Variants in PARVB observed in about 807,000 individuals in gnomAD.
PARVB encodes parvin beta, also known as beta-parvin.
In PARVB, 46 loss-of-function variants were observed where a neutral mutation model predicts 47.0. The observed-to-expected ratio is 0.98, with a 90% CI of 0.77 to 1.25. The LOEUF (loss-of-function observed/expected upper bound fraction) is 1.25, where lower values mean the gene tolerates loss of function less well. Among genes scored for constraint, PARVB ranks in the 50% most tolerant of loss-of-function variants. The pLI, the probability that PARVB is intolerant of heterozygous loss-of-function variation, is 0.00. For synonymous variants in PARVB, 196 were observed against 196.3 expected (o/e 1.00, Z 0.01); for missense variants, 473 against 471.6 (o/e 1.00, Z -0.03).
intron 10 of PARVB, among the ~76,000 whole-genome samples, chr22:44,156,817 A>T (rs888220734): frequency 1.3e-5 from 2 of 152,222 alleles, no homozygotes; most frequent in Non-Finnish European, 2.9e-5. Context: ...AGATACCCAG[A>T]GGAGTCAAAT....
intron 1 of PARVB, among the ~76,000 whole-genome samples, chr22:44,026,606 C>A (rs1603424525): frequency 6.6e-6 from 1 of 152,350 alleles, no homozygotes. Flanking sequence ...GCCTTGGCAA[C>A]ATGCGCTTCT....
intron 1 of PARVB, among the ~76,000 whole-genome samples, chr22:44,038,643 G>A (rs192661496): frequency 3.9e-5 from 6 of 152,208 alleles, no homozygotes; most frequent in Middle Eastern, 3.4e-3. Context: ...TTAGCTGGGC[G>A]TGATGGTGTA....
intron 2 of PARVB, among the ~76,000 whole-genome samples, chr22:44,001,532 A>G (rs920911783): frequency 6.6e-6 from 1 of 152,220 alleles, no homozygotes; most frequent in African/African-American, 2.4e-5. Context: ...GATCTTGTGC[A>G]GTTTGTTGAA....
At chr22:44,059,794 G>A (rs1254319586) in intron 1 of PARVB, among the ~76,000 whole-genome samples, 1 of 152,138 alleles carries the variant, frequency 6.6e-6, no homozygotes. Context: ...CAGAAGATGT[G>A]TTATTAAACA....
chr22:44,090,761 C>T (rs1446982557), intron 1 of PARVB, among the ~76,000 whole-genome samples: 1 of 152,236 alleles, frequency 6.6e-6, no homozygotes, highest in Non-Finnish European at 1.5e-5. Context: ...GTGAGCACTG[C>T]AGGCAGCTGT....
chr22:44,048,677 T>C (rs2051156673), intron 1 of PARVB, among the ~76,000 whole-genome samples: 1 of 152,234 alleles, frequency 6.6e-6, no homozygotes, highest in Admixed American at 6.5e-5. Flanking sequence ...TTCTCCTGCC[T>C]CAGCCTCCCA....
At chr22:44,036,662 TA>T (rs1270234554) in intron 1 of PARVB, among the ~76,000 whole-genome samples, 7 of 152,182 alleles carry the variant, frequency 4.6e-5, no homozygotes, top group Non-Finnish European at 8.8e-5. Context: ...AATGAGTTTA[TA>T]CTTGATATAT....
intron 1 of PARVB, among the ~76,000 whole-genome samples, chr22:44,060,446 C>T (rs556018197): frequency 6.6e-6 from 1 of 152,176 alleles, no homozygotes; most frequent in East Asian, 1.9e-4. Flanking sequence ...GAGATTGAGC[C>T]AGAAGAACTT....
At chr22:44,056,858 G>T (rs2051321050) in intron 1 of PARVB, among the ~76,000 whole-genome samples, 1 of 151,108 alleles carries the variant, frequency 6.6e-6, no homozygotes, top group African/African-American at 2.4e-5. Flanking sequence ...GGTGGTGAGG[G>T]TGACTGTATA....
chr22:44,056,536 C>A (rs943209418), intron 1 of PARVB, among the ~76,000 whole-genome samples: 3 of 152,128 alleles, frequency 2.0e-5, no homozygotes, highest in Non-Finnish European at 2.9e-5. Flanking sequence ...GACAGGTTCT[C>A]CCTCTGTCAC....
chr22:44,032,008 C>T (rs1036985446), intron 1 of PARVB, among the ~76,000 whole-genome samples: 2 of 152,138 alleles, frequency 1.3e-5, no homozygotes, highest in African/African-American at 4.8e-5. Context: ...AATATGTCTG[C>T]TATTTGTTAC....
chr22:44,078,499 C>T (rs1186868220), intron 1 of PARVB, among the ~76,000 whole-genome samples: 1 of 152,156 alleles, frequency 6.6e-6, no homozygotes, highest in Non-Finnish European at 1.5e-5. Context: ...TAGTAAAAGG[C>T]TCTGGTCCTC....
Position 44,089,952 on chromosome 22 carries a change from G to A in PARVB, c.113-3976G>A, listed in dbSNP as rs1904653091. Among the ~76,000 whole-genome samples the A allele has an allele frequency of 6.6e-6, 1 of 152,174 alleles. No individual in the cohort carries two copies. Among genetic ancestry groups the A allele is most frequent in the Non-Finnish European group, 1.5e-5 (1 of 68,022 alleles). ...CCCTCCATGCTTCTCTGTGGAATAGGGGACCTCGCCTGCCTTGTGGTCACT... is the reference window on the plus strand; with the variant it reads ...CCCTCCATGCTTCTCTGTGGAATAGAGGACCTCGCCTGCCTTGTGGTCACT... On this transcript the variant is annotated intron_variant, in intron 1 of 12. Coordinates refer to ENST00000338758, the MANE Select transcript of PARVB (RefSeq NM_013327.5). This position sits in a 1 kb window ranked among gnomAD's most constrained non-coding sequence, Gnocchi z 4.0.
chr22:44,136,399 C>A, intron 6 of PARVB, 61 bp from the exon 7 acceptor site: 2 of 1,444,860 alleles, frequency 1.4e-6, no homozygotes, highest in South Asian at 1.1e-5. Context: ...TCTGCCCTGT[C>A]AGTGCATCTT....
At chr22:44,055,316 A>G (rs1447463613) in intron 1 of PARVB, among the ~76,000 whole-genome samples, 1 of 150,806 alleles carries the variant, frequency 6.6e-6, no homozygotes, top group Non-Finnish European at 1.5e-5. Flanking sequence ...GAGAAACAGA[A>G]CCAATGGGAG....
chr22:43,999,639 A>G, exon 2 of PARVB: 6 of 1,613,838 alleles, frequency 3.7e-6, no homozygotes, highest in Non-Finnish European at 5.1e-6. Context: ...CAGACAGATC[A>G]GGAGTGGAAA....
At chr22:44,020,051 C>T (rs556986751), upstream of PARVB, among the ~76,000 whole-genome samples, 20 of 152,298 alleles carry the variant, frequency 1.3e-4, no homozygotes, top group South Asian at 4.1e-4. Context: ...GCCAGCAAGT[C>T]GGCACTCAGT....
intron 7 of PARVB, among the ~76,000 whole-genome samples, chr22:44,137,608 C>T (rs2053464799): frequency 6.6e-6 from 1 of 152,160 alleles, no homozygotes; most frequent in Admixed American, 6.5e-5. Flanking sequence ...GGCGGTTGTT[C>T]AGCCAGTCTC....
chr22:44,086,992 G>A (rs550727690), intron 1 of PARVB: 44 of 192,500 alleles, frequency 2.3e-4, no homozygotes, highest in African/African-American at 5.4e-4. Flanking sequence ...GCACAGAGCC[G>A]CACCTTTCTT....
Sources: allele counts gnomAD v4.1 joint callset (sites outside exome capture counted in the v4.1 genomes callset), GRCh38; gene constraint gnomAD v4.1.1; non-coding constraint Gnocchi (gnomAD v3.1); transcripts MANE v1.5; gene names NCBI Gene and HGNC (gene_info 2026-07-23, HGNC 2026-07-21).